SLC45A2: variants seen among roughly 807,000 people sequenced by gnomAD.
The protein encoded by SLC45A2 is membrane-associated transporter protein.
In SLC45A2, 36 loss-of-function variants were observed where a neutral mutation model predicts 45.5. The observed-to-expected ratio is 0.79, with a 90% confidence interval of 0.61 to 1.04. The LOEUF (loss-of-function observed/expected upper bound fraction) is 1.04. Among genes scored for constraint, SLC45A2 ranks in the 50% least tolerant of loss-of-function variants. SLC45A2 has a pLI of 0.00. For synonymous variants in SLC45A2, 306 were observed against 269.3 expected, an observed-to-expected ratio of 1.14 and a Z score of -1.33; for missense variants, 719 against 671.0, an observed-to-expected ratio of 1.07 and a Z score of -0.79.
At chr5:33,947,531 T>C (rs1026095186) in intron 5 of SLC45A2, among the ~76,000 whole-genome samples, 157 bp from the exon 6 acceptor site, 1 of 152,218 alleles carries the variant, frequency 6.6e-6, no homozygotes, top group African/African-American at 2.4e-5. Flanking sequence ...TGAAAACAGC[T>C]GGCTTTTGGA....
Position 33,944,662 on chromosome 5 carries a change from T to C in SLC45A2, c.1579A>G (p.Arg527Gly). 6.2e-7 allele frequency: 1 copy of C among 1,614,102 alleles called. No homozygotes were observed. Among genetic ancestry groups the C allele is most frequent in the Non-Finnish European group, 8.5e-7 (1 of 1,180,012 alleles). ...TCTTTATTGACCTAATCCACATATC[T>C]AACAAAGAGAGCGACAAAGCAACAG... is the stretch of plus-strand genomic sequence containing the variant. Reference protein sequence around the residue: ...IGCCFVALFVRYVD With the variant: ...IGCCFVALFVGYVD The change falls in exon 7 of 7, where the codon AGA (arginine) becomes GGA (glycine). Residue 527 changes from arginine (R) to glycine (G), a missense_variant. By Grantham distance (125) the Arg-to-Gly change is moderately radical. Coordinates refer to ENST00000296589, the MANE Select transcript of SLC45A2 (RefSeq NM_016180.5).
intron 2 of SLC45A2, among the ~76,000 whole-genome samples, chr5:33,968,723 G>C (rs562286530): frequency 1.3e-5 from 2 of 152,342 alleles, no homozygotes; most frequent in African/African-American, 4.8e-5. Context: ...AAACTCAAGA[G>C]AGTCCATCTA....
chr5:33,945,368 A>C (rs1218568697), intron 6 of SLC45A2, among the ~76,000 whole-genome samples: 1 of 152,234 alleles, frequency 6.6e-6, no homozygotes, highest in Non-Finnish European at 1.5e-5. Flanking sequence ...GATTTTAAGA[A>C]GGATGTTGAA....
At chr5:33,971,238 T>G (rs1752768815) in intron 2 of SLC45A2, 1 of 531,238 alleles carries the variant, frequency 1.9e-6, no homozygotes, top group South Asian at 1.4e-5. Flanking sequence ...CTCATGAGGA[T>G]CCTGGGATGT....
At chr5:33,977,805 G>A (rs1249282585) in intron 2 of SLC45A2, among the ~76,000 whole-genome samples, 1 of 152,174 alleles carries the variant, frequency 6.6e-6, no homozygotes, top group African/African-American at 2.4e-5. Context: ...AGTAAAGCTT[G>A]GAGAGTAGGA....
chr5:33,981,337 C>T (rs1753065574), intron 2 of SLC45A2, among the ~76,000 whole-genome samples: 1 of 152,176 alleles, frequency 6.6e-6, no homozygotes. Context: ...GCTCTAGAGA[C>T]AGAAACTATG....
chr5:33,945,256 C>T (rs773163999), intron 6 of SLC45A2, among the ~76,000 whole-genome samples: 6 of 152,102 alleles, frequency 3.9e-5, no homozygotes, highest in Non-Finnish European at 7.4e-5. Flanking sequence ...ATTCTTAGCT[C>T]GCAGACTGTA....
At chr5:33,947,094 T>C in intron 6 of SLC45A2, 69 bp downstream of exon 6, 3 of 1,614,024 alleles carry the variant, frequency 1.9e-6, no homozygotes, top group Non-Finnish European at 2.5e-6. Flanking sequence ...TACACATTGC[T>C]ACCAAATCCT....
rs544076525 is a variant in SLC45A2 at position 33,980,751 on chromosome 5, CAGTT to C, written c.562+1481_562+1484del. On this transcript the variant is annotated intron_variant, in intron 2 of 6. Coordinates refer to ENST00000296589, the MANE Select transcript of SLC45A2 (RefSeq NM_016180.5). The stretch of plus-strand genomic sequence containing the variant: ...GATGATAGATAAATAAATAGCCAGT[CAGTT>C]AGTCTGGTATTGATAAGCACTAGAA... Among the ~76,000 whole-genome samples, 620 of 152,124 alleles carry C rather than the reference CAGTT, an allele frequency of 4.1e-3. 2 individuals carry two copies. The highest frequency in any genetic ancestry group is 0.014 in the African/African-American group (596 of 41,494).
Position 33,969,701 on chromosome 5 carries a change from A to G in SLC45A2, c.563-5685T>C, listed in dbSNP as rs573110287. Among the ~76,000 whole-genome samples, 8 of 152,256 alleles carry G rather than the reference A, an allele frequency of 5.3e-5. No individual in the cohort carries two copies. The South Asian group carries it at 1.5e-3, about 28-fold the overall frequency. ...TCATGATGGGTGCACACATATTGGT[A>G]AATCCCTTAGGCGGCGATGGTCTTG... On this transcript the variant is annotated intron_variant, in intron 2 of 6. Coordinates refer to ENST00000296589, the MANE Select transcript of SLC45A2 (RefSeq NM_016180.5).
At chr5:33,965,514 C>A (rs1219676215) in intron 2 of SLC45A2, among the ~76,000 whole-genome samples, 1 of 152,082 alleles carries the variant, frequency 6.6e-6, no homozygotes, top group African/African-American at 2.4e-5. Context: ...GAAACTGTGG[C>A]CAATGGGGCA....
At chr5:33,967,796 ACACACACAC>A (rs1752644142) in intron 2 of SLC45A2, among the ~76,000 whole-genome samples, 1 of 6,586 alleles carries the variant, frequency 1.5e-4, no homozygotes, top group African/African-American at 1.8e-4. Context: ...ACACACACAC[ACACACACAC>A]ACACACACAC....
intron 2 of SLC45A2, among the ~76,000 whole-genome samples, chr5:33,974,449 A>C (rs1309675935): frequency 1.4e-5 from 2 of 146,312 alleles, no homozygotes; most frequent in African/African-American, 5.5e-5. Flanking sequence ...CACAGCAGTG[A>C]AACAAAAAAA....
chr5:33,964,982 G>A (rs190189595), intron 2 of SLC45A2, among the ~76,000 whole-genome samples: 51 of 152,248 alleles, frequency 3.3e-4, no homozygotes, highest in Non-Finnish European at 6.2e-4. Flanking sequence ...ATGGGATGTC[G>A]AGGGAATTAA....
chr5:33,962,252 T>C (rs934266231), intron 3 of SLC45A2, among the ~76,000 whole-genome samples: 2 of 152,238 alleles, frequency 1.3e-5, no homozygotes, highest in African/African-American at 2.4e-5. Context: ...AGACTGGACA[T>C]TTGTCAGTTT....
chr5:33,945,334 C>T (rs1475357348), intron 6 of SLC45A2, among the ~76,000 whole-genome samples: 1 of 152,142 alleles, frequency 6.6e-6, no homozygotes, highest in Non-Finnish European at 1.5e-5. Flanking sequence ...CATTCTTTTC[C>T]TTTCTTAGTG....
chr5:33,948,939 C>T (rs184661024), intron 5 of SLC45A2, among the ~76,000 whole-genome samples: 3 of 152,286 alleles, frequency 2.0e-5, no homozygotes, highest in Admixed American at 2.0e-4. Flanking sequence ...AACTTCAGGG[C>T]CAAGCTTGAA....
At chr5:33,954,591 A>G in intron 3 of SLC45A2, 87 bp from the exon 4 acceptor site, 1 of 1,565,458 alleles carries the variant, frequency 6.4e-7, no homozygotes, top group Non-Finnish European at 8.7e-7. Context: ...CATGTTATGT[A>G]TTTGTCAGTC....
At chr5:33,973,667 G>C (rs545149638) in intron 2 of SLC45A2, among the ~76,000 whole-genome samples, 4 of 152,218 alleles carry the variant, frequency 2.6e-5, no homozygotes, top group Non-Finnish European at 5.9e-5. Context: ...GTTAAAAGAA[G>C]TTGATATCTG....
Sources: allele counts gnomAD v4.1 joint callset (sites outside exome capture counted in the v4.1 genomes callset), GRCh38; gene constraint gnomAD v4.1.1; transcripts MANE v1.5; gene names NCBI Gene and HGNC (gene_info 2026-07-23, HGNC 2026-07-21).